RASGEF1B: variants seen among roughly 807,000 people sequenced by gnomAD.
RASGEF1B encodes the protein RasGEF domain family member 1B.
Under a neutral mutation model 65.7 loss-of-function variants are expected in RASGEF1B, and 30 were observed. That is an observed-to-expected ratio of 0.46 (90% CI 0.34 to 0.62). The LOEUF is 0.62. Ranked by LOEUF, RASGEF1B falls within the 20% of genes least tolerant of loss-of-function variation. The pLI is 0.01. For missense variants in RASGEF1B, 495 were observed against 580.1 expected (o/e 0.85, Z 1.51); for synonymous variants, 175 against 194.8 (o/e 0.90, Z 0.85).
chr4:81,455,788 T>C (rs900290834), intron 4 of RASGEF1B: 1 of 152,212 alleles, frequency 6.6e-6, no homozygotes, highest in African/African-American at 2.4e-5. Context: ...TGAAAGCCTA[T>C]CTAAGAGACT....
chr4:81,457,410 T>C (rs1022115860), intron 3 of RASGEF1B, 89 bp downstream of exon 3: 1 of 1,331,748 alleles, frequency 7.5e-7, no homozygotes, highest in African/African-American at 1.5e-5. Flanking sequence ...AGCCTGGGGA[T>C]AAGCCAGGGT....
chr4:81,426,716 T>G lies in RASGEF1B; in HGVS notation c.*1052A>C, dbSNP rs189463823. 4.3e-4 allele frequency: 66 copies of G among 152,302 alleles called. No homozygotes were observed. The highest frequency in any genetic ancestry group is 1.4e-3 in the African/African-American group (58 of 41,572). The allele number at this position is 152,302 out of a possible 1,614,324, so 9.4% of individuals were successfully genotyped here. On this transcript the variant is annotated 3_prime_UTR_variant, in exon 14 of 14. Transcript: ENST00000264400. ...ACAGCAAGGTGTTTTTCATCTGTTTTGTTTACTGCTATAGTGGGGACAGGT... is the reference window on the plus strand; with the variant it reads ...ACAGCAAGGTGTTTTTCATCTGTTTGGTTTACTGCTATAGTGGGGACAGGT...
intron 6 of RASGEF1B, 143 bp downstream of exon 6, chr4:81,447,361 A>T (rs942713392): frequency 1.5e-5 from 9 of 608,330 alleles, no homozygotes; most frequent in Non-Finnish European, 2.6e-5. Context: ...GCCATGAATC[A>T]GACGTGGCTG....
At chr4:81,467,542 G>A (rs139186220) in intron 1 of RASGEF1B, among the ~76,000 whole-genome samples, 73 of 152,260 alleles carry the variant, frequency 4.8e-4, no homozygotes, top group African/African-American at 1.5e-3. Flanking sequence ...TAACTTTTTA[G>A]CTACATCTTC....
chr4:81,469,884 G>T (rs145130424), intron 1 of RASGEF1B, among the ~76,000 whole-genome samples: 119 of 152,230 alleles, frequency 7.8e-4, no homozygotes, highest in African/African-American at 2.7e-3. Context: ...GTAACACTTC[G>T]TTAGACAACT....
chr4:81,441,320 C>T (rs1721827970), intron 9 of RASGEF1B, among the ~76,000 whole-genome samples: 1 of 151,988 alleles, frequency 6.6e-6, no homozygotes, highest in Non-Finnish European at 1.5e-5. Flanking sequence ...ACAAATCATG[C>T]ACAAATAATT....
At chr4:81,445,887 T>C in intron 6 of RASGEF1B, 49 bp from the exon 7 acceptor site, 5 of 1,337,376 alleles carry the variant, frequency 3.7e-6, no homozygotes, top group Non-Finnish European at 4.3e-6. Context: ...AAAAACAATG[T>C]AGTGGACTCT....
At chr4:81,468,765 C>T (rs1002718655) in intron 1 of RASGEF1B, among the ~76,000 whole-genome samples, 4 of 152,320 alleles carry the variant, frequency 2.6e-5, no homozygotes, top group South Asian at 4.1e-4. Flanking sequence ...TCACTTGTCC[C>T]TTCATTAGTC....
At chr4:81,456,504 TA>T in intron 4 of RASGEF1B, 146 bp downstream of exon 4, 1 of 819,254 alleles carries the variant, frequency 1.2e-6, no homozygotes, top group Non-Finnish European at 2.1e-6. Context: ...CTTGACATAC[TA>T]AATAGACCAA....
chr4:81,450,524 C>T (rs895119596), intron 4 of RASGEF1B, among the ~76,000 whole-genome samples: 5 of 134,998 alleles, frequency 3.7e-5, no homozygotes, highest in African/African-American at 1.7e-4. Context: ...TGCCACCATA[C>T]CCAGCTAATT....
chr4:81,444,786 T>G (rs981140389), intron 8 of RASGEF1B, among the ~76,000 whole-genome samples: 2 of 152,180 alleles, frequency 1.3e-5, no homozygotes, highest in African/African-American at 4.8e-5. Flanking sequence ...CCACCCGCCT[T>G]GCCTCCCAAA....
chr4:81,459,779 C>A (rs569296645), intron 1 of RASGEF1B, among the ~76,000 whole-genome samples: 38 of 152,290 alleles, frequency 2.5e-4, no homozygotes, highest in African/African-American at 9.1e-4. Context: ...GACTTAAACT[C>A]AAGTCTCTGG....
chr4:81,465,624 G>A (rs952102790), intron 1 of RASGEF1B, among the ~76,000 whole-genome samples: 2 of 152,176 alleles, frequency 1.3e-5, no homozygotes, highest in African/African-American at 4.8e-5. Context: ...CATGCCTAAT[G>A]GTTTCAAATC....
intron 12 of RASGEF1B, among the ~76,000 whole-genome samples, chr4:81,433,206 G>A (rs569266460): frequency 6.2e-4 from 93 of 151,080 alleles, no homozygotes; most frequent in Middle Eastern, 3.4e-3. Context: ...TCCAGCCTGG[G>A]TGACAGAGTG....
At chr4:81,456,907 G>A (rs187869734) in intron 3 of RASGEF1B, 119 bp from the exon 4 acceptor site, 2 of 882,570 alleles carry the variant, frequency 2.3e-6, no homozygotes, top group Non-Finnish European at 1.7e-6. Flanking sequence ...GGATGAAGAA[G>A]AAGCTCCAGC....
rs770930553 is a variant in RASGEF1B, at chr4:81,456,744, C to T, written c.345G>A (p.Thr115=). The change falls in exon 4 of 14, where the codon ACG becomes ACA. Residue 115 remains threonine, a synonymous_variant. Transcript: ENST00000264400. ...KIAPKILQLL[T]EWTETFPYDF... ...CATAGGGAAATGTTTCCGTCCATTC[C>T]GTGAGGAGTTGAAGGATTTTGGGTG... 18 of 1,613,568 alleles carry T rather than the reference C, an allele frequency of 1.1e-5. No individual in the cohort carries two copies. The highest frequency in any genetic ancestry group is 2.7e-5 in the African/African-American group (2 of 74,852).
chr4:81,438,612 C>CA (rs1721726491), intron 10 of RASGEF1B, among the ~76,000 whole-genome samples: 1 of 152,172 alleles, frequency 6.6e-6, no homozygotes, highest in Non-Finnish European at 1.5e-5. Context: ...GTGCAGGTTT[C>CA]TTACATAGGT....
intron 8 of RASGEF1B, among the ~76,000 whole-genome samples, chr4:81,445,079 T>G (rs1454224782): frequency 3.9e-5 from 6 of 152,178 alleles, no homozygotes; most frequent in African/African-American, 1.4e-4. Context: ...AGGAGTGAGT[T>G]TGTATACTAG....
chr4:81,463,287 TAG>T (rs1366427615), intron 1 of RASGEF1B, among the ~76,000 whole-genome samples: 3 of 152,182 alleles, frequency 2.0e-5, no homozygotes, highest in African/African-American at 7.2e-5. Flanking sequence ...CATCAAGACA[TAG>T]AGATTCCAGA....
Sources: gnomAD v4.1 joint callset for allele counts (sites outside exome capture counted in the v4.1 genomes callset) on GRCh38, gnomAD v4.1.1 for gene constraint, MANE v1.5 for transcripts, NCBI Gene and HGNC (gene_info 2026-07-23, HGNC 2026-07-21) for gene names.